Variants in OTOGL observed in about 807,000 individuals in gnomAD.
OTOGL encodes otogelin like.
OTOGL carries 285 observed loss-of-function variants against 318.5 expected under a neutral mutation model. That is an observed-to-expected ratio of 0.89 (90% CI 0.81 to 0.99). The LOEUF (loss-of-function observed/expected upper bound fraction) is 0.99. Among genes scored for constraint, OTOGL ranks in the 50% least tolerant of loss-of-function variants. The pLI is 0.00. For synonymous variants in OTOGL, 987 were observed against 936.5 expected (o/e 1.05, Z -0.99); for missense variants, 2,899 against 2,845.6 (o/e 1.02, Z -0.43).
At chr12:80,286,401 G>A (rs190276782) in intron 26 of OTOGL, among the ~76,000 whole-genome samples, 63 of 152,294 alleles carry the variant, frequency 4.1e-4, no homozygotes, top group African/African-American at 1.4e-3. Context: ...ATGAGTTAGG[G>A]AGTAGTCCCT....
intron 37 of OTOGL, among the ~76,000 whole-genome samples, chr12:80,332,663 G>A (rs1179283508): frequency 6.6e-6 from 1 of 152,142 alleles, no homozygotes; most frequent in African/African-American, 2.4e-5. Context: ...AATGGTTAGT[G>A]ATACTATTAA....
At chr12:80,347,466 T>G (rs1889269260) in intron 44 of OTOGL, among the ~76,000 whole-genome samples, 2 of 152,226 alleles carry the variant, frequency 1.3e-5, no homozygotes, top group African/African-American at 4.8e-5. Context: ...TGCAAAGACA[T>G]GAATTCATCC....
intron 1 of OTOGL, among the ~76,000 whole-genome samples, chr12:80,118,273 T>C (rs1870284480): frequency 6.6e-6 from 1 of 152,220 alleles, no homozygotes; most frequent in Non-Finnish European, 1.5e-5. Flanking sequence ...TTGAGCTCTT[T>C]GATCATACAA....
intron 44 of OTOGL, chr12:80,343,366 T>G (rs578146865): frequency 4.1e-4 from 62 of 152,188 alleles, no homozygotes; most frequent in African/African-American, 1.5e-3. Flanking sequence ...GCATATAACC[T>G]ACACAATTCT....
rs199855270 is a variant in OTOGL, at chr12:80,267,318, C to T, written c.2456C>T (p.Ser819Leu). ...YQPGELIPTP[S>L]GLCQCSNGTV... ...CCTGGAGAGCTCATCCCCACACCCT[C>T]GGGCTTATGGTAGGTTTCAATGATG... Residue 819 changes from serine to leucine, a missense_variant, in exon 22 of 59, where the codon TCG (serine) becomes TTG (leucine). Ser to Leu is a moderately radical substitution (Grantham distance 145). Transcript: ENST00000547103. 1,723 of 1,521,864 alleles carry T rather than the reference C, an allele frequency of 1.1e-3. 4 individuals are homozygous for T. Among genetic ancestry groups the T allele is most frequent in the Non-Finnish European group, 1.4e-3 (1,555 of 1,111,874 alleles). 94.3% of individuals were successfully genotyped at this position (1,521,864 alleles called of 1,614,324 possible).
intron 1 of OTOGL, among the ~76,000 whole-genome samples, chr12:80,147,876 AC>A (rs1358068036): frequency 6.6e-6 from 1 of 151,630 alleles, no homozygotes; most frequent in African/African-American, 2.4e-5. Context: ...TAGGATTGCA[AC>A]CCCTGCCTTT....
intron 27 of OTOGL, among the ~76,000 whole-genome samples, chr12:80,300,101 T>C (rs1383804973): frequency 1.3e-5 from 2 of 151,990 alleles, no homozygotes; most frequent in Non-Finnish European, 2.9e-5. Flanking sequence ...AATTAGTTTC[T>C]GTGGCAGAGA....
At chr12:80,123,694 C>A (rs1870629157) in intron 1 of OTOGL, among the ~76,000 whole-genome samples, 1 of 152,056 alleles carries the variant, frequency 6.6e-6, no homozygotes, top group South Asian at 2.1e-4. Context: ...TCCTCTCCAG[C>A]ACCTGTTGTT....
chr12:80,329,147 G>C, intron 37 of OTOGL, 28 bp downstream of exon 37: 1 of 1,424,314 alleles, frequency 7.0e-7, no homozygotes, highest in East Asian at 2.5e-5. Flanking sequence ...GACAACAAAA[G>C]TAGCACTATG....
In OTOGL at chr12:80,356,848, T is replaced by C; in HGVS notation, c.5953T>C (p.Cys1985Arg). 6.3e-7 allele frequency: 1 copy of C among 1,598,870 alleles called. No homozygotes were observed. Among genetic ancestry groups the C allele is most frequent in the Non-Finnish European group, 8.5e-7 (1 of 1,172,850 alleles). Residue 1985 changes from cysteine (C) to arginine (R), a missense_variant, in exon 49 of 59, where the codon TGC (cysteine) becomes CGC (arginine). This residue lies in a region of OTOGL where 2,607 missense variants were observed against 2,524.9 expected (regional missense o/e 1.03). Transcript: ENST00000547103. ...ATGCCCCAGTATTTCAACACCAGAATGCAGAGAAGATCAATTCATGATTCA... is the reference window on the plus strand; with the variant it reads ...ATGCCCCAGTATTTCAACACCAGAACGCAGAGAAGATCAATTCATGATTCA... ...LKCPSISTPE[C>R]REDQFMIQVR...
At chr12:80,229,123 C>A in intron 7 of OTOGL, 134 bp from the exon 8 acceptor site, 2 of 1,047,604 alleles carry the variant, frequency 1.9e-6, no homozygotes, top group Non-Finnish European at 2.7e-6. Flanking sequence ...TCTCAGAAAT[C>A]CCAAATGTAG....
chr12:80,129,575 A>G (rs1270588800), intron 1 of OTOGL, among the ~76,000 whole-genome samples: 3 of 152,188 alleles, frequency 2.0e-5, no homozygotes, highest in Non-Finnish European at 4.4e-5. Context: ...AGGGTGGTAC[A>G]ACCCTTCCTC....
At chr12:80,348,285 G>A (rs997638257) in intron 44 of OTOGL, among the ~76,000 whole-genome samples, 45 of 152,068 alleles carry the variant, frequency 3.0e-4, no homozygotes, top group African/African-American at 9.9e-4. Flanking sequence ...TCTATCTTGA[G>A]TTAATTTTTA....
At chr12:80,188,036 G>A (rs539744451) in intron 1 of OTOGL, among the ~76,000 whole-genome samples, 129 of 152,312 alleles carry the variant, frequency 8.5e-4, no homozygotes, top group African/African-American at 2.4e-3. Flanking sequence ...GACACAGGAT[G>A]CAGCTTGAAA....
chr12:80,125,548 C>T (rs1227540774), intron 1 of OTOGL, among the ~76,000 whole-genome samples: 3 of 152,156 alleles, frequency 2.0e-5, no homozygotes, highest in Admixed American at 6.5e-5. Context: ...TGATGCTGGC[C>T]TCATAAAATG....
intron 1 of OTOGL, chr12:80,132,506 C>T (rs1270824849): frequency 6.6e-6 from 1 of 152,126 alleles, no homozygotes; most frequent in Non-Finnish European, 1.5e-5. Flanking sequence ...TTAATCCATG[C>T]AGCTAAGACT....
intron 35 of OTOGL, 135 bp downstream of exon 35, chr12:80,323,975 G>A (rs112028775): frequency 6.5e-5 from 45 of 688,752 alleles, no homozygotes; most frequent in African/African-American, 1.1e-4. Flanking sequence ...TATTAATTTC[G>A]CTTAAATCAA....
chr12:80,337,679 G>GA (rs201390627), intron 42 of OTOGL, among the ~76,000 whole-genome samples: 7,897 of 149,968 alleles, frequency 0.053, 295 homozygotes, highest in Middle Eastern at 0.15. Flanking sequence ...TGTAAAATAT[G>GA]AAAAAAAAAT....
intron 45 of OTOGL, 65 bp downstream of exon 45, chr12:80,352,501 T>C (rs187376697): frequency 1.5e-6 from 2 of 1,312,840 alleles, no homozygotes; most frequent in Admixed American, 3.1e-5. Context: ...ATCACTTCTT[T>C]CCTTCTTTTT....
Sources: allele counts gnomAD v4.1 joint callset (sites outside exome capture counted in the v4.1 genomes callset), GRCh38; gene constraint gnomAD v4.1.1; regional missense constraint gnomAD v4.1.1; transcripts MANE v1.5; gene names NCBI Gene and HGNC (gene_info 2026-07-23, HGNC 2026-07-21).